Variants in EML6 observed in about 807,000 individuals in gnomAD.
The protein encoded by EML6 is echinoderm microtubule-associated protein-like 6.
In EML6, 154 loss-of-function variants were observed where a neutral mutation model predicts 240.1. The observed-to-expected ratio is 0.64, with a 90% CI of 0.56 to 0.73. EML6 has a LOEUF of 0.73. Ranked by LOEUF, EML6 falls within the 30% of genes least tolerant of loss-of-function variation. EML6 has a pLI of 0.00. For missense variants in EML6, 2,964 were observed against 2,474.6 expected (o/e 1.20, Z -4.20); for synonymous variants, 1,148 against 899.0 (o/e 1.28, Z -4.95).
chr2:54,886,127 C>A (rs1033452931), intron 17 of EML6, among the ~76,000 whole-genome samples: 4 of 149,486 alleles, frequency 2.7e-5, no homozygotes, highest in Admixed American at 6.7e-5. Context: ...CTACACATTG[C>A]ACAAATGTTT....
intron 34 of EML6, among the ~76,000 whole-genome samples, chr2:54,959,727 A>G (rs906695260): frequency 6.6e-6 from 1 of 152,150 alleles, no homozygotes; most frequent in African/African-American, 2.4e-5. Context: ...ATGTCATTGC[A>G]CTCCAGCCTG....
intron 5 of EML6, among the ~76,000 whole-genome samples, chr2:54,821,160 G>C (rs963392069): frequency 6.6e-6 from 1 of 152,086 alleles, no homozygotes; most frequent in African/African-American, 2.4e-5. Flanking sequence ...TTACTTTCTT[G>C]AATAGAGCAT....
At position 54,876,924 on chromosome 2, in the gene EML6, C is replaced by T. The variant is rs542671149; in HGVS notation, c.2345-2623C>T. 3.3e-5 allele frequency among the ~76,000 whole-genome samples: 5 copies of T among 152,108 alleles called. No individual in the cohort carries two copies. In the East Asian group the frequency reaches 9.7e-4, roughly 29 times the overall value. On this transcript the variant is annotated intron_variant, in intron 16 of 41. Coordinates refer to ENST00000356458, the MANE Select transcript of EML6 (RefSeq NM_001039753.4). ...GTCACCTTAATATGTAATATAACACCAGAACTTACTCTTCCTAACTGTAGC... is the reference window on the plus strand; with the variant it reads ...GTCACCTTAATATGTAATATAACACTAGAACTTACTCTTCCTAACTGTAGC...
chr2:54,928,692 C>T lies in EML6; in HGVS notation c.3945C>T (p.Ile1315=). 1 of 1,551,756 alleles carries T rather than the reference C, an allele frequency of 6.4e-7. No homozygotes were observed. Among genetic ancestry groups the T allele is most frequent in the Non-Finnish European group, 8.7e-7 (1 of 1,147,022 alleles). Residue 1315 remains isoleucine, a synonymous_variant, in exon 28 of 42, where the codon ATC becomes ATT. Coordinates refer to ENST00000356458, the MANE Select transcript of EML6 (RefSeq NM_001039753.4). ...DYTTKIYAVS[I]REMEGTKPHQ... ...CCACCAAGATTTATGCTGTGAGCAT[C>T]AGGGAAATGGAAGGCACCAAGCCAC...
chr2:54,808,510 C>CTT (rs1236671010), intron 2 of EML6, among the ~76,000 whole-genome samples: 18 of 146,814 alleles, frequency 1.2e-4, no homozygotes, highest in African/African-American at 4.0e-4. Context: ...CCTGGTGAGA[C>CTT]TTTTTTTTTT....
intron 11 of EML6, among the ~76,000 whole-genome samples, chr2:54,858,924 A>G (rs1232423317): frequency 6.6e-6 from 1 of 152,186 alleles, no homozygotes; most frequent in African/African-American, 2.4e-5. Context: ...GCCTCCATGT[A>G]AGATGGACCC....
At chr2:54,954,337 C>A (rs1343987919) in intron 32 of EML6, among the ~76,000 whole-genome samples, 181 bp downstream of exon 32, 1 of 152,174 alleles carries the variant, frequency 6.6e-6, no homozygotes, top group Non-Finnish European at 1.5e-5. Flanking sequence ...CCAGTGCATC[C>A]CAGGGTCCCA....
chr2:54,887,249 C>T (rs1285061174), intron 17 of EML6, among the ~76,000 whole-genome samples: 2 of 152,186 alleles, frequency 1.3e-5, no homozygotes, highest in Non-Finnish European at 1.5e-5. Context: ...CAGCTGACAA[C>T]CTTGGGCTAA....
In EML6 at chr2:54,964,063, T is replaced by A; in HGVS notation, c.5235T>A (p.Ile1745=). The change falls in exon 37 of 42, where the codon ATT becomes ATA. Residue 1745 remains isoleucine, a synonymous_variant. Transcript: ENST00000356458. The part of the protein sequence containing the change: ...AYSPDGEMVA[I]GMKNGEFVIL... Reference sequence around the variant, plus strand: ...GCCCTGATGGGGAGATGGTGGCCATTGGCATGAAGAATGGAGAGTTTGTCA... The same window carrying A: ...GCCCTGATGGGGAGATGGTGGCCATAGGCATGAAGAATGGAGAGTTTGTCA... 1 of 1,551,744 alleles carries A rather than the reference T, an allele frequency of 6.4e-7. No individual in the cohort carries two copies.
At chr2:54,921,363 T>G (rs1292658076) in intron 26 of EML6, among the ~76,000 whole-genome samples, 1 of 152,160 alleles carries the variant, frequency 6.6e-6, no homozygotes, top group Non-Finnish European at 1.5e-5. Context: ...GGAATAAGTT[T>G]AGCCAAGGAG....
intron 2 of EML6, among the ~76,000 whole-genome samples, chr2:54,793,475 A>G (rs1206287050): frequency 1.5e-5 from 2 of 137,100 alleles, no homozygotes; most frequent in East Asian, 2.1e-4. Context: ...ATATCTTTGT[A>G]TATTTAATTT....
intron 2 of EML6, among the ~76,000 whole-genome samples, chr2:54,749,785 C>A (rs1439601383): frequency 6.6e-6 from 1 of 152,186 alleles, no homozygotes; most frequent in Non-Finnish European, 1.5e-5. Flanking sequence ...TCTCACCCCA[C>A]ACCCCAGCTG....
At chr2:54,755,663 AT>A (rs1167057057) in intron 2 of EML6, among the ~76,000 whole-genome samples, 2 of 151,986 alleles carry the variant, frequency 1.3e-5, no homozygotes, top group Non-Finnish European at 2.9e-5. Flanking sequence ...TAGAAATATA[AT>A]TTTTTAGTTT....
intron 32 of EML6, among the ~76,000 whole-genome samples, chr2:54,957,018 C>G (rs940336680): frequency 1.6e-4 from 24 of 152,154 alleles, no homozygotes; most frequent in African/African-American, 5.3e-4. Context: ...CTGGCTAACA[C>G]ATGATCACTC....
intron 17 of EML6, among the ~76,000 whole-genome samples, chr2:54,886,160 C>CTTTTTTTTTTTTTT (rs869107962): frequency 1.3e-4 from 11 of 82,216 alleles, no homozygotes; most frequent in Non-Finnish European, 1.4e-4. Context: ...TTTTAACCTT[C>CTTTTTTTTTTTTTT]TTTTTTTTTT....
At chr2:54,965,081 C>T (rs904431683) in intron 38 of EML6, among the ~76,000 whole-genome samples, 5 of 152,194 alleles carry the variant, frequency 3.3e-5, no homozygotes, top group African/African-American at 1.2e-4. Flanking sequence ...GGTATTTATT[C>T]ATGTCTTTCC....
At chr2:54,848,053 T>TG (rs1438598691) in intron 9 of EML6, among the ~76,000 whole-genome samples, 8 of 139,324 alleles carry the variant, frequency 5.7e-5, no homozygotes, top group Non-Finnish European at 1.6e-5. Flanking sequence ...GATAAAAGAT[T>TG]GTGGGCTTTG....
Position 54,960,213 on chromosome 2 carries a change from T to A in EML6, c.4854-7T>A. 1.3e-6 allele frequency: 2 copies of A among 1,548,224 alleles called. No individual in the cohort carries two copies. Among genetic ancestry groups the A allele is most frequent in the East Asian group, 2.4e-5 (1 of 40,896 alleles). On this transcript the variant is annotated splice_region_variant and splice_polypyrimidine_tract_variant and intron_variant, in intron 34 of 41. Coordinates refer to ENST00000356458, the MANE Select transcript of EML6 (RefSeq NM_001039753.4). The stretch of plus-strand genomic sequence containing the variant: ...TAACAGCCTGAGTCCCTTTCAATCT[T>A]TTTTAGGACCAAAGAAGGAGGTGCT...
chr2:54,898,146 A>T (rs1191136499), intron 21 of EML6, among the ~76,000 whole-genome samples: 1 of 151,968 alleles, frequency 6.6e-6, no homozygotes. Context: ...GCTGTTTATG[A>T]TCAGCTTTGT....
Sources: allele counts gnomAD v4.1 joint callset (sites outside exome capture counted in the v4.1 genomes callset), GRCh38; gene constraint gnomAD v4.1.1; transcripts MANE v1.5; gene names NCBI Gene and HGNC (gene_info 2026-07-23, HGNC 2026-07-21).